The following MYOM2 variants were observed in gnomAD, a reference collection of about 807,000 sequenced individuals.
MYOM2 encodes myomesin-2.
In MYOM2, 254 loss-of-function variants were observed where a neutral mutation model predicts 187.6. The ratio of observed to expected loss-of-function variants is 1.35; its 90% CI spans 1.22 to 1.50. The LOEUF (loss-of-function observed/expected upper bound fraction) is 1.50. Among genes scored for constraint, MYOM2 ranks in the 40% most tolerant of loss-of-function variants. The pLI is 0.00. For synonymous variants in MYOM2, 981 were observed against 753.8 expected (o/e 1.30, Z -4.94); for missense variants, 2,796 against 1,924.0 (o/e 1.45, Z -8.48).
At chr8:2,068,206 G>T (rs2129332952) in intron 6 of MYOM2, among the ~76,000 whole-genome samples, 1 of 151,894 alleles carries the variant, frequency 6.6e-6, no homozygotes, top group South Asian at 2.1e-4. Flanking sequence ...CCTGGGGACA[G>T]CTCTTCAATG....
chr8:2,141,131 T>C lies in MYOM2; in HGVS notation c.3965-10T>C. 1 of 1,611,282 alleles carries C rather than the reference T, an allele frequency of 6.2e-7. No homozygotes were observed. Among genetic ancestry groups the C allele is most frequent in the Non-Finnish European group, 8.5e-7 (1 of 1,177,954 alleles). The stretch of plus-strand genomic sequence containing the variant: ...AAATGGTTAGTAACGTATGAACTAT[T>C]TCCTCACAGCTTTTGATGAAGCATT... On this transcript the variant is annotated splice_polypyrimidine_tract_variant and intron_variant, in intron 33 of 36. Transcript: ENST00000262113.
chr8:2,069,236 A>C, intron 6 of MYOM2, 42 bp from the exon 7 acceptor site: 1 of 1,577,418 alleles, frequency 6.3e-7, no homozygotes, highest in Non-Finnish European at 8.6e-7. Flanking sequence ...TGACTTTTAC[A>C]CAACAGTCCC....
Position 2,145,357 on chromosome 8 carries a change from T to C in MYOM2, c.*376T>C, listed in dbSNP as rs1798425885. 1 of 296,074 alleles carries C rather than the reference T, an allele frequency of 3.4e-6. No individual in the cohort carries two copies. The highest frequency in any genetic ancestry group is 6.2e-6 in the Non-Finnish European group (1 of 162,224). 18.3% of individuals were successfully genotyped at this position (296,074 alleles called of 1,614,324 possible). A position where few individuals can be genotyped will look rare whatever the true frequency, so the allele number is the denominator to read the frequency against. On this transcript the variant is annotated 3_prime_UTR_variant, in exon 37 of 37. Transcript: ENST00000262113. ...TGCTTCTCTTTGGGGGGCCGCGAGA[T>C]CTAGCATCTCTGAAATCCTGGCTGT...
At chr8:2,053,874 A>G (rs1585818955) in intron 3 of MYOM2, among the ~76,000 whole-genome samples, 1 of 152,188 alleles carries the variant, frequency 6.6e-6, no homozygotes, top group Non-Finnish European at 1.5e-5. Context: ...ACCCATGTGC[A>G]TGTCTTCCAT....
intron 10 of MYOM2, 49 bp downstream of exon 10, chr8:2,073,549 AG>A: frequency 6.5e-7 from 1 of 1,534,334 alleles, no homozygotes; most frequent in Non-Finnish European, 8.7e-7. Context: ...GTGCCCGGGG[AG>A]GGGAGGCAGC....
intron 6 of MYOM2, among the ~76,000 whole-genome samples, chr8:2,066,521 C>T (rs962463975): frequency 6.6e-6 from 1 of 152,170 alleles, no homozygotes. Context: ...TTGGAGAATG[C>T]ATTTTTGAAA....
chr8:2,128,759 G>C (rs1797745103), intron 31 of MYOM2, among the ~76,000 whole-genome samples: 1 of 152,168 alleles, frequency 6.6e-6, no homozygotes, highest in African/African-American at 2.4e-5. Flanking sequence ...CCCTTTTGCA[G>C]ATTTTCTACG....
At chr8:2,095,949 G>A (rs1796467354) in intron 17 of MYOM2, among the ~76,000 whole-genome samples, 1 of 152,192 alleles carries the variant, frequency 6.6e-6, no homozygotes, top group Non-Finnish European at 1.5e-5. Flanking sequence ...ATCTTCTGCT[G>A]TGTCAAATGT....
At chr8:2,073,634 C>T (rs1215673767) in intron 10 of MYOM2, 134 bp downstream of exon 10, 12 of 1,092,374 alleles carry the variant, frequency 1.1e-5, no homozygotes, top group South Asian at 7.8e-5. Flanking sequence ...AGACCCCATG[C>T]GGCCCCGATT....
chr8:2,141,165 T>G lies in MYOM2; in HGVS notation c.3989T>G (p.Phe1330Cys). ...GCTTTTGATGAAGCATTTGCAGAAT[T>G]CCAGCAATTCAAGTAAGATTTGTGT... ...GQAFDEAFAE[F>C]QQFKAAAFAE... The change falls in exon 34 of 37, where the codon TTC becomes TGC. Residue 1330 changes from phenylalanine to cysteine, a missense_variant. By Grantham distance (205) the Phe-to-Cys change is radical. Transcript: ENST00000262113. 1 of 1,612,294 alleles carries G rather than the reference T, an allele frequency of 6.2e-7. No individual in the cohort carries two copies. Among genetic ancestry groups the G allele is most frequent in the African/African-American group, 1.3e-5 (1 of 75,038 alleles).
rs199832033 is a variant in MYOM2, at chr8:2,073,474, A to T, written c.1094A>T (p.Asp365Val). The change falls in exon 10 of 37, where the codon GAC becomes GTC. Residue 365 changes from aspartate (D) to valine (V), a missense_variant. By Grantham distance (152) the Asp-to-Val change is radical. Transcript: ENST00000262113. ...ATCGTGTCTCGGGGCGGCGTCAGCG[A>T]CCACAGCGCCTTCCTGTTTGTCAGA... ...LRIVSRGGVS[D>V]HSAFLFVRDA... 108 of 1,607,388 alleles carry T rather than the reference A, an allele frequency of 6.7e-5. No homozygotes were observed. The highest frequency in any genetic ancestry group is 1.4e-5 in the Non-Finnish European group (17 of 1,179,248).
At chr8:2,095,398 C>T (rs1796445110) in intron 17 of MYOM2, among the ~76,000 whole-genome samples, 1 of 151,288 alleles carries the variant, frequency 6.6e-6, no homozygotes, top group Non-Finnish European at 1.5e-5. Context: ...CTCAAGTGAT[C>T]CTCATGCCTC....
At chr8:2,067,751 T>G (rs910852745) in intron 6 of MYOM2, among the ~76,000 whole-genome samples, 6 of 152,226 alleles carry the variant, frequency 3.9e-5, no homozygotes, top group South Asian at 2.1e-4. Flanking sequence ...GTCATGTTTT[T>G]TTTTGTTTTG....
rs763933059 is a variant in MYOM2 at position 2,085,253 on chromosome 8, A to G, written c.1517-10A>G. The G allele has an allele frequency of 5.6e-6, 9 of 1,613,596 alleles. No individual in the cohort carries two copies. In the South Asian group the frequency reaches 8.8e-5, roughly 16 times the overall value. ...TCCTTCAGCACTCACCGAATTTATT[A>G]TTCCTCCAGGTGACGCCCAGGTTCC... On this transcript the variant is annotated splice_polypyrimidine_tract_variant and intron_variant, in intron 13 of 36. Transcript: ENST00000262113.
At chr8:2,056,803 T>A (rs1051106246) in intron 3 of MYOM2, among the ~76,000 whole-genome samples, 2 of 152,194 alleles carry the variant, frequency 1.3e-5, no homozygotes, top group Non-Finnish European at 2.9e-5. Flanking sequence ...CTAACAGTTT[T>A]GAGTCTCAGA....
Position 2,057,452 on chromosome 8 carries a change from G to T in MYOM2, c.368G>T (p.Arg123Leu), listed in dbSNP as rs147661043. 7.4e-6 allele frequency: 12 copies of T among 1,613,932 alleles called. No individual in the cohort carries two copies. In the African/African-American group the frequency reaches 1.6e-4, roughly 22 times the overall value. The change falls in exon 4 of 37, where the codon CGC (arginine) becomes CTC (leucine). Residue 123 changes from arginine (R) to leucine (L), a missense_variant. By Grantham distance (102) the Arg-to-Leu change is moderately radical. Coordinates refer to ENST00000262113, the MANE Select transcript of MYOM2 (RefSeq NM_003970.4). ...EDVHLARSQA[R>L]DKLDKYAIQQ... ...GTCCACCTGGCACGCTCCCAGGCCC[G>T]CGACAAGCTGGACAAATACGCCATT...
At position 2,084,135 on chromosome 8, in the gene MYOM2, C is replaced by CT. The variant is rs371574231; in HGVS notation, c.1517-1122dup. Among the ~76,000 whole-genome samples the CT allele has an allele frequency of 2.2e-3, 340 of 152,306 alleles. 1 individual carries two copies. Among genetic ancestry groups the CT allele is most frequent in the African/African-American group, 7.8e-3 (326 of 41,556 alleles). ...TTTTCTGCATCTTCTCTCTGGAATG[C>CT]TTTTTTCTGTGGGTATCTAGGTGTG... On this transcript the variant is annotated intron_variant, in intron 13 of 36. Coordinates refer to ENST00000262113, the MANE Select transcript of MYOM2 (RefSeq NM_003970.4).
At chr8:2,071,025 TG>T (rs1401255352) in intron 8 of MYOM2, among the ~76,000 whole-genome samples, 1 of 152,162 alleles carries the variant, frequency 6.6e-6, no homozygotes, top group Non-Finnish European at 1.5e-5. Context: ...TGGAGTGCAG[TG>T]GTGCGATCTT....
chr8:2,068,753 T>A (rs540543516), intron 6 of MYOM2, among the ~76,000 whole-genome samples: 1 of 152,274 alleles, frequency 6.6e-6, no homozygotes, highest in East Asian at 1.9e-4. Context: ...GGCTCCTGCA[T>A]GGAATGGACC....
Sources: allele counts gnomAD v4.1 joint callset (sites outside exome capture counted in the v4.1 genomes callset), GRCh38; gene constraint gnomAD v4.1.1; transcripts MANE v1.5; gene names NCBI Gene and HGNC (gene_info 2026-07-23, HGNC 2026-07-21).